Variants in RAB27A observed in about 807,000 individuals in gnomAD.
RAB27A encodes the protein RAB27A, member RAS oncogene family.
In RAB27A, 17 loss-of-function variants were observed where a neutral mutation model predicts 20.8. The ratio of observed to expected loss-of-function variants is 0.82; its 90% confidence interval spans 0.56 to 1.23. RAB27A has a LOEUF of 1.23. RAB27A is among the 50% of genes most tolerant of loss of function. The probability of loss-of-function intolerance (pLI) is 0.00; values close to 1 mark genes in which losing one functional copy is unlikely to be tolerated. For missense variants in RAB27A, 277 were observed against 266.7 expected (o/e 1.04, Z -0.27); for synonymous variants, 85 against 92.8 (o/e 0.92, Z 0.48).
intron 2 of RAB27A, among the ~76,000 whole-genome samples, chr15:55,303,808 C>A (rs2054985857): frequency 7.7e-6 from 1 of 130,058 alleles, no homozygotes; most frequent in African/African-American, 3.2e-5. Context: ...GCCCCCCGCC[C>A]GGCCAGCCGC....
At chr15:55,235,583 T>C (rs1243573137) in intron 2 of RAB27A, among the ~76,000 whole-genome samples, 1 of 152,034 alleles carries the variant, frequency 6.6e-6, no homozygotes, top group Non-Finnish European at 1.5e-5. Context: ...GTAGACCATA[T>C]AGAACAAAAA....
In RAB27A at chr15:55,220,703, A is replaced by G. The variant is rs74759534; in HGVS notation, c.467+3186T>C. Among the ~76,000 whole-genome samples the G allele has an allele frequency of 6.1e-4, 93 of 152,358 alleles. 1 individual carries two copies. Among genetic ancestry groups the G allele is most frequent in the African/African-American group, 2.0e-3 (85 of 41,588 alleles). On this transcript the variant is annotated intron_variant, in intron 6 of 6. Coordinates refer to ENST00000336787, the MANE Select transcript of RAB27A (RefSeq NM_183235.3). The stretch of plus-strand genomic sequence containing the variant: ...TATCCTGTTTTCTGACTGTTAGCAC[A>G]TGGATAAACTAAACAATATAGTCCT...
At chr15:55,285,671 A>C (rs1179235495) in intron 1 of RAB27A, among the ~76,000 whole-genome samples, 2 of 152,210 alleles carry the variant, frequency 1.3e-5, no homozygotes, top group Non-Finnish European at 2.9e-5. Flanking sequence ...TAGAAGGGAA[A>C]AATTACTCTC....
At chr15:55,291,502 C>T (rs1898305870), upstream of RAB27A, among the ~76,000 whole-genome samples, 2 of 106,084 alleles carry the variant, frequency 1.9e-5, no homozygotes, top group Admixed American at 2.8e-4. Flanking sequence ...CCGAGCGAGA[C>T]TCTGTTTCAA....
At chr15:55,249,037 T>C (rs1475665895) in intron 2 of RAB27A, 1 of 152,198 alleles carries the variant, frequency 6.6e-6, no homozygotes, top group Non-Finnish European at 1.5e-5. Flanking sequence ...ATGCAGAGTC[T>C]CAGAACTGAC....
chr15:55,307,533 T>C (rs2055002883), intron 2 of RAB27A, among the ~76,000 whole-genome samples: 1 of 151,980 alleles, frequency 6.6e-6, no homozygotes, highest in Admixed American at 6.6e-5. Context: ...CCTGGGTTAC[T>C]GTGGCCTTGA....
chr15:55,247,790 C>G (rs185505966), intron 2 of RAB27A, among the ~76,000 whole-genome samples: 200 of 152,102 alleles, frequency 1.3e-3, no homozygotes, highest in Non-Finnish European at 2.4e-3. Flanking sequence ...AAGAGACGGG[C>G]GCATTTATCA....
At position 55,202,975 on chromosome 15, in the gene RAB27A, C is replaced by CT; in HGVS notation, c.*2531dup. The CT allele has an allele frequency of 6.6e-6, 1 of 152,182 alleles. No homozygotes were observed. Among genetic ancestry groups the CT allele is most frequent in the Non-Finnish European group, 1.5e-5 (1 of 68,038 alleles). 9.4% of individuals were successfully genotyped at this position (152,182 alleles called of 1,614,324 possible). On this transcript the variant is annotated 3_prime_UTR_variant, in exon 7 of 7. Coordinates refer to ENST00000336787, the MANE Select transcript of RAB27A (RefSeq NM_183235.3). ...TACGTTCACACACAAATTTGACAGA[C>CT]TAGACCACTTTTTTATTACAGCTTA...
intron 6 of RAB27A, among the ~76,000 whole-genome samples, chr15:55,210,030 ATG>A (rs552104748): frequency 0.015 from 2,196 of 142,688 alleles, 37 homozygotes; most frequent in Middle Eastern, 0.027. Context: ...ACGCATATAT[ATG>A]TGTGTGTACA....
At chr15:55,222,276 A>G (rs1895608233) in intron 6 of RAB27A, among the ~76,000 whole-genome samples, 1 of 152,212 alleles carries the variant, frequency 6.6e-6, no homozygotes, top group South Asian at 2.1e-4. Flanking sequence ...AATCCTTGCC[A>G]GAGTAAGCCT....
intron 1 of RAB27A, among the ~76,000 whole-genome samples, chr15:55,318,393 G>T (rs1356715374): frequency 7.1e-6 from 1 of 140,078 alleles, no homozygotes; most frequent in African/African-American, 2.5e-5. Flanking sequence ...CACCGCGCCC[G>T]GCCTGGTTTT....
At chr15:55,280,996 G>A (rs1022941389) in intron 1 of RAB27A, among the ~76,000 whole-genome samples, 11 of 152,194 alleles carry the variant, frequency 7.2e-5, no homozygotes, top group Non-Finnish European at 1.5e-4. Context: ...ATAGTAGCAT[G>A]ATTTATAATC....
chr15:55,286,820 G>C (rs1381620627), intron 1 of RAB27A, among the ~76,000 whole-genome samples: 4 of 151,410 alleles, frequency 2.6e-5, no homozygotes, highest in Admixed American at 2.6e-4. Flanking sequence ...AAGCCCTTCA[G>C]AAGGCTTTTG....
intron 6 of RAB27A, among the ~76,000 whole-genome samples, chr15:55,213,432 C>T (rs1440326791): frequency 6.6e-6 from 1 of 152,164 alleles, no homozygotes; most frequent in Non-Finnish European, 1.5e-5. Flanking sequence ...AACTCTTTCA[C>T]TTCTGATGTT....
intron 2 of RAB27A, among the ~76,000 whole-genome samples, chr15:55,295,032 C>A (rs993084260): frequency 6.6e-6 from 1 of 152,014 alleles, no homozygotes; most frequent in Non-Finnish European, 1.5e-5. Flanking sequence ...CATATGAATA[C>A]AATTGAATAT....
intron 2 of RAB27A, among the ~76,000 whole-genome samples, chr15:55,301,452 TA>T (rs142880650): frequency 0.03 from 4,339 of 143,604 alleles, 212 homozygotes; most frequent in African/African-American, 0.1. Context: ...TCACACACAA[TA>T]AAGTTCACCC....
chr15:55,274,794 T>TTATATATA (rs371945954), intron 1 of RAB27A, among the ~76,000 whole-genome samples: 2,128 of 52,026 alleles, frequency 0.041, 170 homozygotes, highest in African/African-American at 0.057. Context: ...AATAAATAAA[T>TTATATATA]TATATATATA....
At chr15:55,221,892 A>T (rs1895589257) in intron 6 of RAB27A, among the ~76,000 whole-genome samples, 1 of 152,138 alleles carries the variant, frequency 6.6e-6, no homozygotes, top group African/African-American at 2.4e-5. Flanking sequence ...AGGAAGTGAC[A>T]TGGGTTTTAG....
chr15:55,288,608 A>AAGGG (rs770812932), intron 1 of RAB27A, among the ~76,000 whole-genome samples: 1 of 152,146 alleles, frequency 6.6e-6, no homozygotes. Context: ...AGGAAGAAAA[A>AAGGG]AGGGAGGGAG....
Sources: allele counts gnomAD v4.1 joint callset (sites outside exome capture counted in the v4.1 genomes callset), GRCh38; gene constraint gnomAD v4.1.1; transcripts MANE v1.5; gene names NCBI Gene and HGNC (gene_info 2026-07-23, HGNC 2026-07-21).